Variants in KAZN observed in about 807,000 individuals in gnomAD.
The protein encoded by KAZN is kazrin, periplakin interacting protein.
A neutral mutation model predicts 87.4 loss-of-function variants in KAZN; 40 were observed. That is an observed-to-expected ratio of 0.46 (90% confidence interval 0.36 to 0.60). The LOEUF (loss-of-function observed/expected upper bound fraction) is 0.60. Among genes scored for constraint, KAZN ranks in the 20% least tolerant of loss-of-function variants. KAZN has a pLI of 0.00. For synonymous variants in KAZN, 466 were observed against 458.3 expected (o/e 1.02, Z -0.22); for missense variants, 898 against 1,073.9 (o/e 0.84, Z 2.29).
chr1:14,385,402 G>T (rs1344968269), intron 2 of KAZN, among the ~76,000 whole-genome samples: 1 of 152,054 alleles, frequency 6.6e-6, no homozygotes, highest in African/African-American at 2.4e-5. Context: ...TAATTGTGAT[G>T]GTAGGGTGTC....
chr1:14,150,251 G>C (rs1322889797), intron 1 of KAZN, among the ~76,000 whole-genome samples: 1 of 152,186 alleles, frequency 6.6e-6, no homozygotes, highest in Non-Finnish European at 1.5e-5. Flanking sequence ...TTAATGGTTT[G>C]CACAGAATTC....
intron 1 of KAZN, among the ~76,000 whole-genome samples, chr1:13,900,390 T>G (rs1639206259): frequency 6.6e-6 from 1 of 152,182 alleles, no homozygotes; most frequent in Admixed American, 6.5e-5. Flanking sequence ...CAGCCCCTGG[T>G]GATCTCCTTG....
chr1:14,241,833 C>T (rs1304547607), intron 2 of KAZN, among the ~76,000 whole-genome samples: 1 of 152,194 alleles, frequency 6.6e-6, no homozygotes, highest in Non-Finnish European at 1.5e-5. Context: ...TTCATAATAT[C>T]TGTCTCTTAA....
intron 1 of KAZN, among the ~76,000 whole-genome samples, chr1:14,089,197 TA>T (rs1248005345): frequency 6.6e-6 from 1 of 152,032 alleles, no homozygotes; most frequent in Non-Finnish European, 1.5e-5. Flanking sequence ...GAATGTTTTT[TA>T]AAATAGTTAG....
intron 1 of KAZN, among the ~76,000 whole-genome samples, chr1:14,698,835 C>T (rs1389413334): frequency 6.6e-6 from 1 of 152,210 alleles, no homozygotes; most frequent in Non-Finnish European, 1.5e-5. Flanking sequence ...TTGGCAAACC[C>T]CAAGTCTGGC....
intron 1 of KAZN, among the ~76,000 whole-genome samples, chr1:13,970,781 G>C (rs780460843): frequency 4.2e-4 from 64 of 152,090 alleles, no homozygotes; most frequent in Non-Finnish European, 8.5e-4. Context: ...CTGATTTACT[G>C]GCATGGGCTC....
At chr1:15,041,331 C>CTTTTCTTT (rs780656130) in intron 3 of KAZN, among the ~76,000 whole-genome samples, 1 of 114,136 alleles carries the variant, frequency 8.8e-6, no homozygotes, top group Non-Finnish European at 1.7e-5. Context: ...CATTTTTTTT[C>CTTTTCTTT]TTTTTTTTTT....
rs77915411 is a variant in KAZN at position 14,807,836 on chromosome 1, A to C, written c.227-152848A>C. Among the ~76,000 whole-genome samples, 829 of 152,248 alleles carry C rather than the reference A, an allele frequency of 5.4e-3. 9 individuals are homozygous for C. Among genetic ancestry groups the C allele is most frequent in the African/African-American group, 0.018 (752 of 41,532 alleles). ...CTGTGGGCAAATCAGCCCCCAAATT[A>C]GACCTATTTCCCCACCCAGACACAG... On this transcript the variant is annotated intron_variant, in intron 1 of 14. Coordinates refer to ENST00000376030, the MANE Select transcript of KAZN (RefSeq NM_201628.3).
In KAZN at chr1:14,117,389, T is replaced by G. The variant is rs551414952; in HGVS notation, c.92-63046T>G. 2.6e-4 allele frequency among the ~76,000 whole-genome samples: 40 copies of G among 152,306 alleles called. No individual in the cohort carries two copies. The South Asian group carries it at 7.7e-3, about 29-fold the overall frequency. On this transcript the variant is annotated intron_variant, in intron 1 of 16. Transcript: ENST00000636203. ...AAAGGGGAATTTCCCTGCGCAAGCT[T>G]CTTCTGTTGACTGCTGCTATGTGAG... is the stretch of plus-strand genomic sequence containing the variant.
At chr1:13,925,624 G>A (rs186237406) in intron 1 of KAZN, among the ~76,000 whole-genome samples, 177 of 152,330 alleles carry the variant, frequency 1.2e-3, no homozygotes, top group African/African-American at 4.0e-3. Flanking sequence ...GTAGGCTATG[G>A]AGATCACTTG....
intron 2 of KAZN, among the ~76,000 whole-genome samples, chr1:14,388,807 A>AT (rs1444545383): frequency 6.6e-6 from 1 of 152,198 alleles, no homozygotes; most frequent in African/African-American, 2.4e-5. Flanking sequence ...TTCTTGAGTA[A>AT]TATCCCACAA....
chr1:14,555,179 GC>G (rs1182807015), intron 2 of KAZN, among the ~76,000 whole-genome samples: 12 of 152,222 alleles, frequency 7.9e-5, no homozygotes, highest in African/African-American at 2.7e-4. Context: ...GGGACACAGA[GC>G]TTGCATAGCA....
chr1:14,685,880 A>C (rs1640923972), intron 1 of KAZN, among the ~76,000 whole-genome samples: 1 of 152,162 alleles, frequency 6.6e-6, no homozygotes, highest in African/African-American at 2.4e-5. Context: ...GCACGTGTGT[A>C]TTCAATTCCC....
At chr1:14,827,801 G>A (rs1010030105) in intron 1 of KAZN, among the ~76,000 whole-genome samples, 1 of 152,208 alleles carries the variant, frequency 6.6e-6, no homozygotes, top group Admixed American at 6.5e-5. Context: ...ATGTCTATGG[G>A]ATTGAGAAAC....
At chr1:14,166,635 T>C (rs2100234389) in intron 1 of KAZN, among the ~76,000 whole-genome samples, 1 of 152,298 alleles carries the variant, frequency 6.6e-6, no homozygotes, top group Middle Eastern at 3.4e-3. Context: ...AAATAAAAGT[T>C]ATTGGTATAA....
intron 1 of KAZN, among the ~76,000 whole-genome samples, chr1:14,020,344 G>A (rs1640767444): frequency 6.6e-6 from 1 of 152,142 alleles, no homozygotes; most frequent in Admixed American, 6.5e-5. Flanking sequence ...TAATCAGCTT[G>A]GGTAGGAGTT....
chr1:13,981,697 AT>A (rs755040096), intron 1 of KAZN, among the ~76,000 whole-genome samples: 1 of 152,244 alleles, frequency 6.6e-6, no homozygotes, highest in African/African-American at 2.4e-5. Flanking sequence ...TTATGGGCTC[AT>A]GTGAGAACTT....
chr1:14,164,448 A>G (rs997199813), intron 1 of KAZN, among the ~76,000 whole-genome samples: 1 of 115,594 alleles, frequency 8.7e-6, no homozygotes, highest in Non-Finnish European at 1.8e-5. Context: ...AGAAAACACT[A>G]TGGCTTTGTG....
At chr1:14,356,907 G>A (rs548823684) in intron 2 of KAZN, among the ~76,000 whole-genome samples, 244 of 152,108 alleles carry the variant, frequency 1.6e-3, no homozygotes, top group African/African-American at 5.6e-3. Flanking sequence ...TTGACTATAC[G>A]GGCTCTTTTT....
Sources: allele counts gnomAD v4.1 joint callset (sites outside exome capture counted in the v4.1 genomes callset), GRCh38; gene constraint gnomAD v4.1.1; transcripts MANE v1.5; gene names NCBI Gene and HGNC (gene_info 2026-07-23, HGNC 2026-07-21).